MAML3: variants seen among roughly 807,000 people sequenced by gnomAD.
MAML3 encodes mastermind-like protein 3.
Under a neutral mutation model 101.9 loss-of-function variants are expected in MAML3, and 27 were observed. That is an observed-to-expected ratio of 0.27 (90% CI 0.20 to 0.37). The LOEUF is 0.37. Ranked by LOEUF, MAML3 falls within the 10% of genes least tolerant of loss-of-function variation. The pLI is 1.00. For synonymous variants in MAML3, 501 were observed against 555.9 expected (o/e 0.90, Z 1.39); for missense variants, 1,316 against 1,444.9 (o/e 0.91, Z 1.45).
At chr4:139,818,768 T>C (rs1232371488) in intron 2 of MAML3, among the ~76,000 whole-genome samples, 1 of 152,206 alleles carries the variant, frequency 6.6e-6, no homozygotes, top group African/African-American at 2.4e-5. Flanking sequence ...ATGAAGCAAA[T>C]ACCCCAAAAC....
chr4:139,782,173 T>A (rs1438798722), intron 2 of MAML3, among the ~76,000 whole-genome samples: 1 of 152,174 alleles, frequency 6.6e-6, no homozygotes, highest in African/African-American at 2.4e-5. Flanking sequence ...TTTATTATGA[T>A]TTTTTTAGAG....
intron 2 of MAML3, among the ~76,000 whole-genome samples, chr4:139,862,650 A>G (rs759148443): frequency 6.6e-6 from 1 of 152,206 alleles, no homozygotes; most frequent in East Asian, 1.9e-4. Flanking sequence ...CTATCTCTGT[A>G]GCTGCCACCC....
chr4:139,735,590 C>T lies in MAML3; in HGVS notation c.2080-4923G>A, dbSNP rs994242186. Among the ~76,000 whole-genome samples, 4 of 152,148 alleles carry T rather than the reference C, an allele frequency of 2.6e-5. No individual in the cohort carries two copies. The highest frequency in any genetic ancestry group is 1.3e-4 in the Admixed American group (2 of 15,286). On this transcript the variant is annotated intron_variant, in intron 2 of 4. Coordinates refer to ENST00000509479, the MANE Select transcript of MAML3 (RefSeq NM_018717.5). This position sits in a 1 kb window ranked among gnomAD's most constrained non-coding sequence, Gnocchi z 5.8. ...GGGCGATAAGGAGCGAGCCTCGGGT[C>T]GGCCCGGCACCGCTGCTTCGGCTCA...
chr4:139,961,096 C>T (rs1454647226), intron 1 of MAML3, among the ~76,000 whole-genome samples: 1 of 152,144 alleles, frequency 6.6e-6, no homozygotes, highest in Non-Finnish European at 1.5e-5. Flanking sequence ...GACTGCACTA[C>T]CAGCTAAGAA....
chr4:140,036,157 A>G (rs140498126), intron 1 of MAML3, among the ~76,000 whole-genome samples: 38 of 152,328 alleles, frequency 2.5e-4, no homozygotes, highest in African/African-American at 8.7e-4. Flanking sequence ...CAAGGTTTTC[A>G]TTGAATAACA....
intron 4 of MAML3, among the ~76,000 whole-genome samples, chr4:139,724,493 AT>A (rs1356438142): frequency 6.6e-6 from 1 of 152,206 alleles, no homozygotes. Context: ...CAGTCTATTG[AT>A]AAAGTTCAGG....
At chr4:139,889,183 T>TCC in intron 2 of MAML3, 174 bp downstream of exon 2, 4 of 1,260,268 alleles carry the variant, frequency 3.2e-6, no homozygotes, top group Non-Finnish European at 4.6e-6. Flanking sequence ...TTTCCATTTC[T>TCC]TAGGAGAAAT....
chr4:139,890,760 A>G lies in MAML3; in HGVS notation c.676T>C (p.Ser226Pro). The G allele has an allele frequency of 1.9e-6, 3 of 1,614,048 alleles. No homozygotes were observed. The highest frequency in any genetic ancestry group is 1.7e-6 in the Non-Finnish European group (2 of 1,179,902). The change falls in exon 2 of 5, where the codon TCT (serine) becomes CCT (proline). Residue 226 changes from serine to proline, a missense_variant. Transcript: ENST00000509479. The surrounding 1 kb of genome is among the most constrained non-coding windows in gnomAD (Gnocchi z 4.1). ...GTTCCACTGTTCTGCAAGGGCAAAG[A>G]AGGTTTCAGGTCAAGTTGGTGAAGA... ...SPLHQLDLKPSLPLQNSGTHT... is the reference protein window; with the variant it reads ...SPLHQLDLKPPLPLQNSGTHT...
chr4:139,763,945 T>G (rs1020016615), intron 2 of MAML3, among the ~76,000 whole-genome samples: 1 of 152,206 alleles, frequency 6.6e-6, no homozygotes, highest in African/African-American at 2.4e-5. Flanking sequence ...AAAATAATAC[T>G]GAACTGGTAT....
intron 2 of MAML3, among the ~76,000 whole-genome samples, chr4:139,782,913 A>G (rs977020350): frequency 1.3e-5 from 2 of 152,192 alleles, no homozygotes; most frequent in Non-Finnish European, 2.9e-5. Context: ...CATTCAAAGT[A>G]GAGCCTTACA....
intron 1 of MAML3, among the ~76,000 whole-genome samples, chr4:140,076,855 TTTG>T (rs1437817038): frequency 6.6e-6 from 1 of 152,124 alleles, no homozygotes; most frequent in Non-Finnish European, 1.5e-5. Flanking sequence ...TTTTTGTTTT[TTTG>T]TTGTTGTTTT....
At chr4:140,058,270 T>C (rs536342808) in intron 1 of MAML3, among the ~76,000 whole-genome samples, 1 of 36,654 alleles carries the variant, frequency 2.7e-5, no homozygotes, top group Non-Finnish European at 2.4e-4. Flanking sequence ...CTCAGAGTAC[T>C]TTTTTTTTTA....
intron 2 of MAML3, among the ~76,000 whole-genome samples, chr4:139,858,880 G>T (rs1028821118): frequency 3.9e-5 from 6 of 152,174 alleles, no homozygotes; most frequent in South Asian, 2.1e-4. Context: ...AGTTAAGACT[G>T]AAATTAATCA....
intron 1 of MAML3, among the ~76,000 whole-genome samples, chr4:139,943,003 A>T (rs1733635873): frequency 6.6e-6 from 1 of 152,214 alleles, no homozygotes; most frequent in Non-Finnish European, 1.5e-5. Flanking sequence ...TTTTTGTTCA[A>T]CAAAAGCCAT....
chr4:140,080,227 G>A (rs1432557473), intron 1 of MAML3, among the ~76,000 whole-genome samples: 2 of 152,252 alleles, frequency 1.3e-5, no homozygotes, highest in Non-Finnish European at 2.9e-5. Context: ...GGAGCTTGAA[G>A]GAGCTAGCAC....
chr4:139,971,814 T>C (rs1218441727), intron 1 of MAML3, among the ~76,000 whole-genome samples: 3 of 151,910 alleles, frequency 2.0e-5, no homozygotes, highest in African/African-American at 7.3e-5. Context: ...GAAGACACCT[T>C]AAAAAAAATC....
chr4:139,910,167 G>A (rs1194828686), intron 1 of MAML3, among the ~76,000 whole-genome samples: 4 of 152,192 alleles, frequency 2.6e-5, no homozygotes, highest in African/African-American at 9.7e-5. Flanking sequence ...GAATCTGAGC[G>A]AGGGTTCCTC....
At chr4:140,011,681 G>A (rs796539965) in intron 1 of MAML3, among the ~76,000 whole-genome samples, 3 of 152,228 alleles carry the variant, frequency 2.0e-5, no homozygotes, top group African/African-American at 7.2e-5. Context: ...GAGTGGTTCA[G>A]GTGAACTAAT....
At position 139,775,641 on chromosome 4, in the gene MAML3, C is replaced by CG. The variant is rs1034018826; in HGVS notation, c.2080-44975dup. Among the ~76,000 whole-genome samples the CG allele has an allele frequency of 3.9e-5, 6 of 151,982 alleles. No individual in the cohort carries two copies. The East Asian group carries it at 5.8e-4, about 15-fold the overall frequency. On this transcript the variant is annotated intron_variant, in intron 2 of 4. Transcript: ENST00000509479. ...CAGTTTGCAGCAGAGAGGAGTGGTT[C>CG]GGGGGGCAGAATGATTCCGTTTGAT...
Sources: allele counts gnomAD v4.1 joint callset (sites outside exome capture counted in the v4.1 genomes callset), GRCh38; gene constraint gnomAD v4.1.1; non-coding constraint Gnocchi (gnomAD v3.1); transcripts MANE v1.5; gene names NCBI Gene and HGNC (gene_info 2026-07-23, HGNC 2026-07-21).